Variants in RNF150 observed in about 807,000 individuals in gnomAD.
RNF150 encodes the protein ring finger protein 150.
In RNF150, 24 loss-of-function variants were observed where a neutral mutation model predicts 39.3. The observed-to-expected ratio is 0.61, with a 90% confidence interval of 0.44 to 0.86. The LOEUF (loss-of-function observed/expected upper bound fraction) is 0.86, where lower values mean the gene tolerates loss of function less well. Ranked by LOEUF, RNF150 falls within the 40% of genes least tolerant of loss-of-function variation. RNF150 has a pLI of 0.00. For synonymous variants in RNF150, 255 were observed against 227.3 expected (o/e 1.12, Z -1.10); for missense variants, 502 against 587.8 (o/e 0.85, Z 1.51).
intron 1 of RNF150, among the ~76,000 whole-genome samples, chr4:141,140,307 C>A (rs758098141): frequency 2.6e-4 from 40 of 152,096 alleles, no homozygotes; most frequent in South Asian, 6.2e-4. Context: ...CAAGTGACTT[C>A]TTTTTATTTC....
intron 1 of RNF150, among the ~76,000 whole-genome samples, chr4:141,208,402 C>T (rs2111227108): frequency 6.6e-6 from 1 of 152,300 alleles, no homozygotes; most frequent in Admixed American, 6.5e-5. Context: ...ACACCAGCCA[C>T]CAAAGCACTT....
At chr4:141,036,450 A>G (rs192075741) in intron 1 of RNF150, among the ~76,000 whole-genome samples, 2 of 152,318 alleles carry the variant, frequency 1.3e-5, no homozygotes, top group East Asian at 3.9e-4. Flanking sequence ...TAGTAGTGCT[A>G]ACTCTATACA....
At chr4:140,976,702 C>T (rs923552799) in intron 1 of RNF150, among the ~76,000 whole-genome samples, 4 of 152,016 alleles carry the variant, frequency 2.6e-5, no homozygotes, top group African/African-American at 9.6e-5. Flanking sequence ...TCCCTACCAG[C>T]CCACATTCCA....
intron 1 of RNF150, among the ~76,000 whole-genome samples, chr4:141,167,322 C>G (rs1302612796): frequency 2.0e-5 from 3 of 151,596 alleles, no homozygotes; most frequent in African/African-American, 7.3e-5. Flanking sequence ...AAAAACAGTC[C>G]ATGCTCATGG....
At chr4:141,041,385 G>A (rs1736366604) in intron 1 of RNF150, among the ~76,000 whole-genome samples, 1 of 152,120 alleles carries the variant, frequency 6.6e-6, no homozygotes, top group African/African-American at 2.4e-5. Context: ...AAAAGGGGAA[G>A]AGAATGCCAT....
intron 1 of RNF150, among the ~76,000 whole-genome samples, chr4:141,208,930 A>G (rs1189119616): frequency 6.6e-6 from 1 of 152,190 alleles, no homozygotes; most frequent in Non-Finnish European, 1.5e-5. Context: ...TCATGGGACA[A>G]CAGTGGCCAG....
chr4:140,975,946 A>T (rs1306101583), intron 1 of RNF150, among the ~76,000 whole-genome samples: 1 of 152,064 alleles, frequency 6.6e-6, no homozygotes, highest in Non-Finnish European at 1.5e-5. Flanking sequence ...AATCCAACAT[A>T]ATTTCCTTTT....
At chr4:140,998,017 G>T (rs1490200967) in intron 1 of RNF150, among the ~76,000 whole-genome samples, 1 of 152,098 alleles carries the variant, frequency 6.6e-6, no homozygotes, top group East Asian at 1.9e-4. Context: ...GTGGCCCAAT[G>T]CTTTCACAGA....
chr4:141,155,364 C>T (rs2111147985), intron 1 of RNF150, among the ~76,000 whole-genome samples: 1 of 150,546 alleles, frequency 6.6e-6, no homozygotes, highest in Admixed American at 6.7e-5. Context: ...TCCCAAAATG[C>T]TGGGATTACA....
At chr4:141,166,093 C>A (rs1420904273) in intron 1 of RNF150, among the ~76,000 whole-genome samples, 1 of 151,852 alleles carries the variant, frequency 6.6e-6, no homozygotes, top group Non-Finnish European at 1.5e-5. Flanking sequence ...ATTAAATAGA[C>A]ACAATAAAAA....
intron 2 of RNF150, among the ~76,000 whole-genome samples, chr4:140,957,040 C>A (rs1440843213): frequency 1.3e-5 from 2 of 148,676 alleles, no homozygotes; most frequent in African/African-American, 2.5e-5. Context: ...GCAACAAAAG[C>A]CAAAATTGAC....
upstream of RNF150, among the ~76,000 whole-genome samples, chr4:141,138,272 A>G (rs1274522797): frequency 6.6e-6 from 1 of 152,108 alleles, no homozygotes; most frequent in Non-Finnish European, 1.5e-5. Flanking sequence ...TCTGTATTAT[A>G]TTTTTCATTT....
intron 1 of RNF150, among the ~76,000 whole-genome samples, chr4:141,078,589 G>A (rs1463793858): frequency 6.6e-6 from 1 of 151,284 alleles, no homozygotes; most frequent in African/African-American, 2.4e-5. Flanking sequence ...AGACCATCCT[G>A]GCCAACATGG....
At chr4:141,036,142 G>T (rs754520575) in intron 1 of RNF150, among the ~76,000 whole-genome samples, 5 of 152,142 alleles carry the variant, frequency 3.3e-5, no homozygotes, top group Non-Finnish European at 7.4e-5. Context: ...TATGGCAAAA[G>T]CATAAGGAGC....
At chr4:140,875,151 G>C (rs922364657) in intron 6 of RNF150, among the ~76,000 whole-genome samples, 5 of 149,030 alleles carry the variant, frequency 3.4e-5, no homozygotes, top group African/African-American at 1.2e-4. Flanking sequence ...CCATGAACTT[G>C]ACAATCATTA....
chr4:141,189,073 G>C (rs767137144), intron 1 of RNF150, among the ~76,000 whole-genome samples: 6 of 152,148 alleles, frequency 3.9e-5, no homozygotes, highest in Non-Finnish European at 8.8e-5. Context: ...TTGCATGGGC[G>C]TCCTTTTTGT....
chr4:141,147,986 A>G (rs962726331), intron 1 of RNF150, among the ~76,000 whole-genome samples: 2 of 152,164 alleles, frequency 1.3e-5, no homozygotes, highest in Admixed American at 6.5e-5. Context: ...AAAACCATAT[A>G]TTGGTTGGTA....
At chr4:140,958,853 T>A (rs890920127) in intron 2 of RNF150, among the ~76,000 whole-genome samples, 1 of 152,182 alleles carries the variant, frequency 6.6e-6, no homozygotes, top group African/African-American at 2.4e-5. Flanking sequence ...AAAGTCATCA[T>A]GACATGTGTT....
At chr4:140,901,314 A>AGTC (rs5862505) in intron 6 of RNF150, among the ~76,000 whole-genome samples, 5 of 151,806 alleles carry the variant, frequency 3.3e-5, no homozygotes, top group Admixed American at 1.3e-4. Flanking sequence ...ATAAATAATA[A>AGTC]ATCAGTCCAT....
Sources: gnomAD v4.1 joint callset for allele counts (sites outside exome capture counted in the v4.1 genomes callset) on GRCh38, gnomAD v4.1.1 for gene constraint, MANE v1.5 for transcripts, NCBI Gene and HGNC (gene_info 2026-07-23, HGNC 2026-07-21) for gene names.